The following PPP2R3A variants were observed in gnomAD, a reference collection of about 807,000 sequenced individuals.
The protein encoded by PPP2R3A is serine/threonine-protein phosphatase 2A regulatory subunit B'' subunit alpha.
PPP2R3A carries 80 observed loss-of-function variants against 106.9 expected under a neutral mutation model. The observed-to-expected ratio is 0.75, with a 90% CI of 0.62 to 0.90. The LOEUF (loss-of-function observed/expected upper bound fraction) is 0.90. Ranked by LOEUF, PPP2R3A falls within the 40% of genes least tolerant of loss-of-function variation. The probability of loss-of-function intolerance (pLI) is 0.00; values close to 1 mark genes in which losing one functional copy is unlikely to be tolerated. For synonymous variants in PPP2R3A, 483 were observed against 468.3 expected, an observed-to-expected ratio of 1.03 and a Z score of -0.41; for missense variants, 1,386 against 1,350.4, an observed-to-expected ratio of 1.03 and a Z score of -0.41.
chr3:136,111,914 A>C (rs1285295210), intron 13 of PPP2R3A, among the ~76,000 whole-genome samples: 2 of 152,234 alleles, frequency 1.3e-5, no homozygotes, highest in Admixed American at 1.3e-4. Context: ...AGCAAATTAA[A>C]TTCAGCAGCA....
chr3:135,992,463 G>A (rs1933210597), intron 1 of PPP2R3A, among the ~76,000 whole-genome samples: 2 of 152,136 alleles, frequency 1.3e-5, no homozygotes, highest in Admixed American at 6.6e-5. Flanking sequence ...GAGATAAGCA[G>A]TGGAATTTCT....
In PPP2R3A at chr3:136,002,539, A is replaced by G; in HGVS notation, c.1041A>G (p.Arg347=). The G allele has an allele frequency of 6.2e-7, 1 of 1,614,044 alleles. No individual in the cohort carries two copies. ...VVQLSASDSG[R]FQTIELQNDK... is the part of the protein sequence containing the mutation. ...AGCTCTCAGCTTCTGACTCTGGACG[A>G]TTTCAAACTATTGAATTGCAAAATG... is the stretch of plus-strand genomic sequence containing the variant. Residue 347 remains arginine, a synonymous_variant, in exon 2 of 14, where the codon CGA becomes CGG. Coordinates refer to ENST00000264977, the MANE Select transcript of PPP2R3A (RefSeq NM_002718.5).
At chr3:135,970,320 C>T (rs11718972) in intron 1 of PPP2R3A, among the ~76,000 whole-genome samples, 9,555 of 152,170 alleles carry the variant, frequency 0.063, 452 homozygotes, top group Admixed American at 0.12. Context: ...TAACTGAATG[C>T]GCTCTACCAT....
At chr3:136,010,677 C>T (rs886568851) in intron 2 of PPP2R3A, among the ~76,000 whole-genome samples, 4 of 152,082 alleles carry the variant, frequency 2.6e-5, no homozygotes, top group Non-Finnish European at 4.4e-5. Context: ...CCGCCCACCT[C>T]GGCCTCCCAG....
chr3:135,983,216 C>T (rs1340334366), intron 1 of PPP2R3A, among the ~76,000 whole-genome samples: 1 of 152,176 alleles, frequency 6.6e-6, no homozygotes, highest in East Asian at 1.9e-4. Context: ...TGGGCTTTTG[C>T]CCCATTTCTC....
At chr3:136,107,431 C>CTTTTTTTTTTTTTTTTTT (rs11324496) in intron 13 of PPP2R3A, among the ~76,000 whole-genome samples, 2 of 71,422 alleles carry the variant, frequency 2.8e-5, no homozygotes, top group Non-Finnish European at 5.1e-5. Flanking sequence ...TACATGAATT[C>CTTTTTTTTTTTTTTTTTT]TTTTTTTTTT....
At chr3:136,023,991 A>G (rs756034283) in intron 2 of PPP2R3A, among the ~76,000 whole-genome samples, 20 of 152,276 alleles carry the variant, frequency 1.3e-4, no homozygotes, top group Non-Finnish European at 2.5e-4. Flanking sequence ...AATAATCTCA[A>G]ATTATTTGGG....
At chr3:136,043,545 T>A (rs1468473997) in intron 4 of PPP2R3A, among the ~76,000 whole-genome samples, 1 of 152,188 alleles carries the variant, frequency 6.6e-6, no homozygotes, top group Non-Finnish European at 1.5e-5. Flanking sequence ...TCCAAAGGGC[T>A]CTGTTCCACT....
At chr3:136,082,731 T>A (rs576280964) in intron 8 of PPP2R3A, among the ~76,000 whole-genome samples, 1 of 152,334 alleles carries the variant, frequency 6.6e-6, no homozygotes, top group South Asian at 2.1e-4. Flanking sequence ...CCTGTTTAAA[T>A]CTGTTTGAAA....
rs1559940131 is a variant in PPP2R3A at position 136,136,063 on chromosome 3, AAAAAAAAAAATTATAT to A, written c.3330-8978_3330-8963del. On this transcript the variant is annotated intron_variant, in intron 13 of 13. Transcript: ENST00000264977. The stretch of plus-strand genomic sequence containing the variant: ...TCCGTCTCAAAAAAAAAAAAAAAAA[AAAAAAAAAAATTATAT>A]ATATATATATATATAAAAAACATCA... Among the ~76,000 whole-genome samples the A allele has an allele frequency of 6.2e-5, 3 of 48,602 alleles. 1 individual carries two copies. In the East Asian group the frequency reaches 2.0e-3, roughly 33 times the overall value. The allele number at this position is 48,602 out of a possible 152,430, so 31.9% of individuals were successfully genotyped here.
chr3:136,134,273 G>A (rs923662256), intron 13 of PPP2R3A, among the ~76,000 whole-genome samples: 4 of 152,276 alleles, frequency 2.6e-5, no homozygotes, highest in African/African-American at 9.6e-5. Context: ...TATTGCCCCA[G>A]TGTCCCTGGA....
intron 10 of PPP2R3A, among the ~76,000 whole-genome samples, chr3:136,096,723 C>G (rs1228918746): frequency 6.6e-6 from 1 of 152,230 alleles, no homozygotes; most frequent in Non-Finnish European, 1.5e-5. Flanking sequence ...CAGTAACTTT[C>G]TTCTTGAGTA....
intron 1 of PPP2R3A, among the ~76,000 whole-genome samples, chr3:135,994,532 C>G (rs937511547): frequency 6.6e-6 from 1 of 152,132 alleles, no homozygotes; most frequent in Non-Finnish European, 1.5e-5. Flanking sequence ...ACCAACAAAC[C>G]TTGGCTTTCT....
chr3:136,048,000 A>G (rs547928105), intron 4 of PPP2R3A, among the ~76,000 whole-genome samples: 20 of 152,268 alleles, frequency 1.3e-4, no homozygotes, highest in Admixed American at 2.6e-4. Flanking sequence ...TATTGGTACT[A>G]TGCTCACTAC....
chr3:136,087,749 T>C, intron 8 of PPP2R3A, 134 bp from the exon 9 acceptor site: 1 of 541,006 alleles, frequency 1.8e-6, no homozygotes, highest in Non-Finnish European at 3.3e-6. Flanking sequence ...TAAATAAAAA[T>C]GTACTCACAT....
intron 3 of PPP2R3A, among the ~76,000 whole-genome samples, chr3:136,036,738 C>T (rs1236071480): frequency 6.6e-6 from 1 of 152,184 alleles, no homozygotes; most frequent in Non-Finnish European, 1.5e-5. Context: ...CCACACACTG[C>T]TCTGTCTGTC....
intron 4 of PPP2R3A, among the ~76,000 whole-genome samples, chr3:136,045,323 AG>A (rs1935435095): frequency 6.6e-6 from 1 of 152,216 alleles, no homozygotes; most frequent in Non-Finnish European, 1.5e-5. Context: ...ACTAAGCTAC[AG>A]GCCTGGTCCC....
chr3:135,970,424 T>G (rs556309398), intron 1 of PPP2R3A, among the ~76,000 whole-genome samples: 1 of 152,324 alleles, frequency 6.6e-6, no homozygotes, highest in East Asian at 1.9e-4. Flanking sequence ...CAAGAGTAAT[T>G]TAAACAATAT....
chr3:136,144,497 C>G (rs1459155320), intron 13 of PPP2R3A, among the ~76,000 whole-genome samples: 1 of 152,056 alleles, frequency 6.6e-6, no homozygotes, highest in Admixed American at 6.6e-5. Context: ...CCCATCTCTA[C>G]TAAAAATACA....
Sources: allele counts gnomAD v4.1 joint callset (sites outside exome capture counted in the v4.1 genomes callset), GRCh38; gene constraint gnomAD v4.1.1; transcripts MANE v1.5; gene names NCBI Gene and HGNC (gene_info 2026-07-23, HGNC 2026-07-21).